The following CAPN14 variants were observed in gnomAD, a reference collection of about 807,000 sequenced individuals.
CAPN14 encodes the protein calpain 14.
CAPN14 carries 94 observed loss-of-function variants against 101.3 expected under a neutral mutation model. That is an observed-to-expected ratio of 0.93 (90% CI 0.79 to 1.10). CAPN14 has a LOEUF of 1.10. CAPN14 is among the 50% of genes least tolerant of loss of function. The pLI is 0.00. For synonymous variants in CAPN14, 338 were observed against 317.9 expected, an observed-to-expected ratio of 1.06 and a Z score of -0.67; for missense variants, 837 against 828.4, an observed-to-expected ratio of 1.01 and a Z score of -0.13.
chr2:31,177,092 C>T lies in CAPN14; in HGVS notation c.1906G>A (p.Gly636Ser), dbSNP rs772866717. 16 of 1,551,438 alleles carry T rather than the reference C, an allele frequency of 1.0e-5. No individual in the cohort carries two copies. The highest frequency in any genetic ancestry group is 5.9e-5 in the Admixed American group (3 of 50,990). Residue 636 changes from glycine to serine, a missense_variant, in exon 20 of 22, where the codon GGC becomes AGC. Gly to Ser is a moderately conservative substitution (Grantham distance 56). Transcript: ENST00000403897. ...ACAAAGTCCATCTGGAGGCGGGGGC[C>T]GCCGTAGCGGATGAGCATCAGCTGA... ...VCQLMLIRYGGPRLQMDFVSF... is the reference protein window; with the variant it reads ...VCQLMLIRYGSPRLQMDFVSF...
intron 16 of CAPN14, among the ~76,000 whole-genome samples, chr2:31,181,407 TTTCTTTC>T (rs1395448497): frequency 5.1e-5 from 6 of 116,598 alleles, no homozygotes; most frequent in Admixed American, 3.2e-4. Flanking sequence ...TTTTTCTTTC[TTTCTTTC>T]TTTCTTTCTT....
intron 16 of CAPN14, among the ~76,000 whole-genome samples, chr2:31,183,819 TC>T (rs1316500269): frequency 3.4e-5 from 5 of 145,256 alleles, no homozygotes; most frequent in African/African-American, 1.3e-4. Context: ...TCCCTCCCTC[TC>T]TCCCTCCCTC....
At chr2:31,191,539 G>C in intron 11 of CAPN14, 132 bp from the exon 12 acceptor site, 1 of 819,064 alleles carries the variant, frequency 1.2e-6, no homozygotes, top group South Asian at 1.8e-5. Flanking sequence ...CCCAGAAGCC[G>C]TGTCCCCTCC....
chr2:31,197,251 G>A lies in CAPN14; in HGVS notation c.873C>T (p.Asp291=). 6.5e-7 allele frequency: 1 copy of A among 1,549,568 alleles called. No individual in the cohort carries two copies. Among genetic ancestry groups the A allele is most frequent in the Non-Finnish European group, 8.7e-7 (1 of 1,144,708 alleles). Reference sequence around the variant, plus strand: ...TCCAAGATGTCCCCAAAGTTCACCTGTCACTCCAGTCTCCTTTCCATTCCA... The same window carrying A: ...TCCAAGATGTCCCCAAAGTTCACCTATCACTCCAGTCTCCTTTCCATTCCA... ...GKVEWKGDWS[D]SSSKWELLSP... is the part of the protein sequence containing the mutation. The change falls in exon 8 of 22, where the codon GAC becomes GAT. Residue 291 remains aspartate, a splice_region_variant and synonymous_variant. Coordinates refer to ENST00000403897, the MANE Select transcript of CAPN14 (RefSeq NM_001145122.2).
chr2:31,173,144 T>C lies in CAPN14; in HGVS notation c.*1537A>G, dbSNP rs922230483. 6.6e-6 allele frequency: 1 copy of C among 152,216 alleles called. No homozygotes were observed. Among genetic ancestry groups the C allele is most frequent in the African/African-American group, 2.4e-5 (1 of 41,454 alleles). 9.4% of individuals were successfully genotyped at this position (152,216 alleles called of 1,614,324 possible). A position where few individuals can be genotyped will look rare whatever the true frequency, so the allele number is the denominator to read the frequency against. ...AAAGACACAAATAAGTCAATGGATA[T>C]AAAAAACTGTAAAAGGCTGTAAATA... is the stretch of plus-strand genomic sequence containing the variant. On this transcript the variant is annotated 3_prime_UTR_variant, in exon 22 of 22. Coordinates refer to ENST00000403897, the MANE Select transcript of CAPN14 (RefSeq NM_001145122.2).
intron 21 of CAPN14, 51 bp from the exon 22 acceptor site, chr2:31,174,758 C>G (rs1680211582): frequency 6.5e-7 from 1 of 1,540,034 alleles, no homozygotes; most frequent in Non-Finnish European, 8.8e-7. Flanking sequence ...CACGTCTCAT[C>G]TGGGCCTCCC....
At chr2:31,190,008 T>G (rs1163217215) in intron 12 of CAPN14, among the ~76,000 whole-genome samples, 2 of 152,194 alleles carry the variant, frequency 1.3e-5, no homozygotes, top group African/African-American at 4.8e-5. Context: ...ACAGATAAGC[T>G]GGACATTCCG....
chr2:31,229,200 G>A (rs1293176063), intron 1 of CAPN14, among the ~76,000 whole-genome samples: 1 of 152,154 alleles, frequency 6.6e-6, no homozygotes, highest in Non-Finnish European at 1.5e-5. Context: ...AGGAGAAGGG[G>A]CAGGAGACAG....
At chr2:31,223,588 G>A (rs113216332) in intron 2 of CAPN14, among the ~76,000 whole-genome samples, 8,513 of 148,616 alleles carry the variant, frequency 0.057, 375 homozygotes, top group African/African-American at 0.11. Context: ...GAGTGCAGTG[G>A]GACAATCTCG....
chr2:31,175,087 G>A (rs1331380277), intron 21 of CAPN14, among the ~76,000 whole-genome samples: 3 of 152,106 alleles, frequency 2.0e-5, no homozygotes, highest in African/African-American at 7.2e-5. Context: ...GCTTTATGTG[G>A]GTTTGATGAA....
At chr2:31,228,103 T>A (rs999244341) in intron 1 of CAPN14, among the ~76,000 whole-genome samples, 5 of 152,226 alleles carry the variant, frequency 3.3e-5, no homozygotes, top group African/African-American at 9.6e-5. Context: ...GCGTGCATGG[T>A]TGTAGGCAGG....
At chr2:31,200,287 G>A (rs561499178) in intron 6 of CAPN14, among the ~76,000 whole-genome samples, 164 bp downstream of exon 6, 1 of 152,280 alleles carries the variant, frequency 6.6e-6, no homozygotes, top group Non-Finnish European at 1.5e-5. Flanking sequence ...TTACAGGTGT[G>A]AGCCACCGCA....
Position 31,194,466 on chromosome 2 carries a change from A to C in CAPN14, c.893T>G (p.Leu298Arg), listed in dbSNP as rs1477861627. 1 of 1,551,454 alleles carries C rather than the reference A, an allele frequency of 6.4e-7. No individual in the cohort carries two copies. Among genetic ancestry groups the C allele is most frequent in the East Asian group, 2.4e-5 (1 of 40,918 alleles). ...DWSDSSSKWE[L>R]LSPKEKILLL... ...CAGAATCTTCTCCTTGGGGCTCAGC[A>C]GCTCCCATTTACTTGAACTGAAAAT... Residue 298 changes from leucine to arginine, a missense_variant, in exon 9 of 22, where the codon CTG (leucine) becomes CGG (arginine). By Grantham distance (102) the Leu-to-Arg change is moderately radical. Transcript: ENST00000403897.
In CAPN14 at chr2:31,173,359, T is replaced by A. The variant is rs566811820; in HGVS notation, c.*1322A>T. The stretch of plus-strand genomic sequence containing the variant: ...AGTACCCATCTGACAGGTGCTCAAA[T>A]CTCCTTTAGTCCTCTGCCAATGGAC... On this transcript the variant is annotated 3_prime_UTR_variant, in exon 22 of 22. Transcript: ENST00000403897. 11 of 152,310 alleles carry A rather than the reference T, an allele frequency of 7.2e-5. No homozygotes were observed. In the East Asian group the frequency reaches 2.1e-3, roughly 29 times the overall value. The allele number at this position is 152,310 out of a possible 1,614,324, so 9.4% of individuals were successfully genotyped here.
chr2:31,231,823 G>A (rs1364560171), intron 1 of CAPN14, among the ~76,000 whole-genome samples: 1 of 152,208 alleles, frequency 6.6e-6, no homozygotes, highest in Non-Finnish European at 1.5e-5. Flanking sequence ...ACCAGGCGTG[G>A]CACGGGGCCG....
intron 1 of CAPN14, among the ~76,000 whole-genome samples, chr2:31,213,460 C>A (rs924337989): frequency 6.6e-6 from 1 of 152,356 alleles, no homozygotes; most frequent in African/African-American, 2.4e-5. Flanking sequence ...TTAGGGGCCA[C>A]AAGCCTAAAA....
At chr2:31,198,073 A>G (rs923525012) in intron 7 of CAPN14, among the ~76,000 whole-genome samples, 3 of 152,230 alleles carry the variant, frequency 2.0e-5, no homozygotes, top group African/African-American at 4.8e-5. Context: ...AAAATCACTA[A>G]TCTAAAGGGA....
intron 12 of CAPN14, 176 bp from the exon 13 acceptor site, chr2:31,189,654 T>C (rs1366271647): frequency 2.9e-6 from 2 of 695,518 alleles, no homozygotes; most frequent in Admixed American, 2.0e-5. Flanking sequence ...AATATGTGTG[T>C]GGAGGGCTGC....
chr2:31,215,142 T>C (rs113810416), intron 1 of CAPN14, among the ~76,000 whole-genome samples: 1,591 of 152,330 alleles, frequency 0.01, 28 homozygotes, highest in African/African-American at 0.036. Context: ...ACTCTTCTTT[T>C]TCTATCCATT....
Sources: gnomAD v4.1 joint callset for allele counts (sites outside exome capture counted in the v4.1 genomes callset) on GRCh38, gnomAD v4.1.1 for gene constraint, MANE v1.5 for transcripts, NCBI Gene and HGNC (gene_info 2026-07-23, HGNC 2026-07-21) for gene names.